ADRA1A: variants seen among roughly 807,000 people sequenced by gnomAD.
ADRA1A encodes alpha-1A adrenergic receptor.
Under a neutral mutation model 29.6 loss-of-function variants are expected in ADRA1A, and 31 were observed. That is an observed-to-expected ratio of 1.05 (90% CI 0.79 to 1.41). The LOEUF is 1.41. Among genes scored for constraint, ADRA1A ranks in the 40% most tolerant of loss-of-function variants. The pLI is 0.00. For missense variants in ADRA1A, 619 were observed against 601.1 expected (o/e 1.03, Z -0.31); for synonymous variants, 311 against 254.3 (o/e 1.22, Z -2.12).
At chr8:26,772,661 G>A (rs1444769097) in intron 2 of ADRA1A, among the ~76,000 whole-genome samples, 5 of 152,160 alleles carry the variant, frequency 3.3e-5, no homozygotes, top group Admixed American at 2.6e-4. Flanking sequence ...ACCTATCAGA[G>A]CCGTGACAAA....
intron 2 of ADRA1A, chr8:26,836,221 T>C (rs907241073): frequency 5.4e-5 from 13 of 241,008 alleles, no homozygotes; most frequent in African/African-American, 3.0e-4. Flanking sequence ...TTGGTCTTCA[T>C]GTCTTTTGCC....
At chr8:26,803,345 A>G (rs909809907) in intron 2 of ADRA1A, among the ~76,000 whole-genome samples, 1 of 152,226 alleles carries the variant, frequency 6.6e-6, no homozygotes, top group African/African-American at 2.4e-5. Context: ...CATGTACTCC[A>G]TAAATGTATC....
chr8:26,827,592 G>A (rs1810663615), intron 2 of ADRA1A, among the ~76,000 whole-genome samples: 2 of 152,172 alleles, frequency 1.3e-5, no homozygotes, highest in African/African-American at 4.8e-5. Flanking sequence ...GGACAAGACA[G>A]CGCTCTGGGG....
chr8:26,830,278 C>CA (rs893060553), intron 2 of ADRA1A, among the ~76,000 whole-genome samples: 7 of 152,214 alleles, frequency 4.6e-5, no homozygotes, highest in African/African-American at 1.7e-4. Context: ...CACCTGCCCT[C>CA]AAAGCTTGAA....
downstream of ADRA1A, among the ~76,000 whole-genome samples, chr8:26,761,800 T>C (rs972013481): frequency 2.0e-5 from 3 of 152,220 alleles, no homozygotes; most frequent in Non-Finnish European, 4.4e-5. Flanking sequence ...GATCCTTTAC[T>C]TAAAGCAGAA....
intron 2 of ADRA1A, among the ~76,000 whole-genome samples, chr8:26,758,719 C>T (rs1415528119): frequency 2.0e-5 from 3 of 152,194 alleles, no homozygotes; most frequent in Non-Finnish European, 4.4e-5. Context: ...CTAGCATGGG[C>T]ATTGGGGTGG....
chr8:26,751,238 G>A (rs896293344), intron 2 of ADRA1A, among the ~76,000 whole-genome samples: 1 of 152,144 alleles, frequency 6.6e-6, no homozygotes, highest in African/African-American at 2.4e-5. Flanking sequence ...TTTACCATGT[G>A]CAGATGTAAT....
At chr8:26,811,255 C>T (rs1023371362) in intron 2 of ADRA1A, among the ~76,000 whole-genome samples, 2 of 151,624 alleles carry the variant, frequency 1.3e-5, no homozygotes, top group African/African-American at 2.4e-5. Flanking sequence ...TGCAGTGGCG[C>T]GATCTCGGCT....
At chr8:26,830,376 C>G (rs1810888874) in intron 2 of ADRA1A, among the ~76,000 whole-genome samples, 1 of 152,212 alleles carries the variant, frequency 6.6e-6, no homozygotes, top group Non-Finnish European at 1.5e-5. Context: ...AGTCTGAAAG[C>G]TGGCTTGGAG....
chr8:26,774,341 T>C (rs1347126389), intron 2 of ADRA1A, among the ~76,000 whole-genome samples: 1 of 152,204 alleles, frequency 6.6e-6, no homozygotes, highest in African/African-American at 2.4e-5. Context: ...CTCATAGCTA[T>C]GCTTCCTTCA....
chr8:26,783,079 G>T (rs1284708210), intron 2 of ADRA1A, among the ~76,000 whole-genome samples: 1 of 152,120 alleles, frequency 6.6e-6, no homozygotes, highest in East Asian at 1.9e-4. Context: ...TCCTGCTTCT[G>T]GTCTTATCTG....
intron 2 of ADRA1A, among the ~76,000 whole-genome samples, chr8:26,836,557 T>A (rs1187208625): frequency 6.6e-6 from 1 of 152,216 alleles, no homozygotes; most frequent in Non-Finnish European, 1.5e-5. Flanking sequence ...GTGTGAATAT[T>A]TCCACAAAAC....
intron 2 of ADRA1A, among the ~76,000 whole-genome samples, chr8:26,853,483 G>T (rs1812780324): frequency 6.6e-6 from 1 of 152,280 alleles, no homozygotes; most frequent in Non-Finnish European, 1.5e-5. Context: ...AATGTATTAT[G>T]CAACCACAGC....
downstream of ADRA1A, chr8:26,765,837 A>G (rs558228741): frequency 1.8e-4 from 251 of 1,376,196 alleles, no homozygotes; most frequent in East Asian, 6.5e-3. Context: ...TCAAGCTCTG[A>G]TTAAGTAGCT....
At chr8:26,786,754 G>C (rs888194605) in intron 2 of ADRA1A, among the ~76,000 whole-genome samples, 2 of 148,784 alleles carry the variant, frequency 1.3e-5, no homozygotes, top group South Asian at 2.1e-4. Flanking sequence ...TGGGGGGGGG[G>C]GTCTCTCATT....
rs376222538 is a variant in ADRA1A at position 26,769,773 on chromosome 8, A to G, written c.*376T>C. 12 of 999,938 alleles carry G rather than the reference A, an allele frequency of 1.2e-5. No individual in the cohort carries two copies. In the East Asian group the frequency reaches 4.2e-4, roughly 35 times the overall value. 61.9% of individuals were successfully genotyped at this position (999,938 alleles called of 1,614,324 possible). A position where few individuals can be genotyped will look rare whatever the true frequency, so the allele number is the denominator to read the frequency against. On this transcript the variant is annotated 3_prime_UTR_variant, in exon 3 of 3. Transcript: ENST00000380573. Reference sequence around the variant, plus strand: ...AAAATCCCCTCACTTCCATCAAGAAATAGCTCCAAACTTAGAGTGTGTGCT... The same window carrying G: ...AAAATCCCCTCACTTCCATCAAGAAGTAGCTCCAAACTTAGAGTGTGTGCT...
intron 2 of ADRA1A, among the ~76,000 whole-genome samples, chr8:26,837,215 A>G (rs1811444121): frequency 6.6e-6 from 1 of 152,156 alleles, no homozygotes; most frequent in Non-Finnish European, 1.5e-5. Flanking sequence ...GGCTTTTTAA[A>G]AAAGCTTTTT....
chr8:26,766,144 T>A, downstream of ADRA1A: 3 of 1,603,100 alleles, frequency 1.9e-6, no homozygotes, highest in Non-Finnish European at 2.6e-6. Context: ...TACAATCCAT[T>A]CCCCTCTGTC....
intron 2 of ADRA1A, among the ~76,000 whole-genome samples, chr8:26,830,640 A>C (rs1396519703): frequency 6.6e-6 from 1 of 152,238 alleles, no homozygotes; most frequent in African/African-American, 2.4e-5. Context: ...ATTTGCAAAG[A>C]TGAAGGTTTA....
Sources: allele counts gnomAD v4.1 joint callset (sites outside exome capture counted in the v4.1 genomes callset), GRCh38; gene constraint gnomAD v4.1.1; transcripts MANE v1.5; gene names NCBI Gene and HGNC (gene_info 2026-07-23, HGNC 2026-07-21).